PTCHD4: variants seen among roughly 807,000 people sequenced by gnomAD.
The protein encoded by PTCHD4 is patched domain containing 4, also known as patched domain-containing protein 4.
In PTCHD4, 33 loss-of-function variants were observed where a neutral mutation model predicts 58.1. The ratio of observed to expected loss-of-function variants is 0.57; its 90% CI spans 0.43 to 0.76. PTCHD4 has a LOEUF of 0.76. Ranked by LOEUF, PTCHD4 falls within the 30% of genes least tolerant of loss-of-function variation. The pLI, the probability that PTCHD4 is intolerant of heterozygous loss-of-function variation, is 0.00. For missense variants in PTCHD4, 1,058 were observed against 1,027.1 expected, an observed-to-expected ratio of 1.03 and a Z score of -0.41; for synonymous variants, 478 against 409.6, an observed-to-expected ratio of 1.17 and a Z score of -2.02.
intron 3 of PTCHD4, among the ~76,000 whole-genome samples, chr6:48,036,009 G>A (rs2114142092): frequency 6.6e-6 from 1 of 152,060 alleles, no homozygotes; most frequent in East Asian, 1.9e-4. Context: ...ATTCTTTAAT[G>A]GTGTCATTGA....
At chr6:47,921,922 G>A (rs1171153653) in intron 4 of PTCHD4, among the ~76,000 whole-genome samples, 3 of 149,504 alleles carry the variant, frequency 2.0e-5, no homozygotes, top group East Asian at 3.9e-4. Flanking sequence ...ACCAGCCTGG[G>A]CAGCATAGCA....
chr6:48,105,962 C>T (rs905616735), intron 1 of PTCHD4, among the ~76,000 whole-genome samples: 3 of 152,072 alleles, frequency 2.0e-5, no homozygotes, highest in African/African-American at 7.2e-5. Flanking sequence ...TAATTAAGAG[C>T]TTACCAACCA....
intron 4 of PTCHD4, among the ~76,000 whole-genome samples, chr6:47,896,899 T>C (rs759541941): frequency 2.0e-5 from 3 of 152,182 alleles, no homozygotes; most frequent in Non-Finnish European, 2.9e-5. Context: ...GTCAGACTCT[T>C]ACTCCAGTGT....
chr6:48,105,118 G>C (rs1765691252), intron 1 of PTCHD4, among the ~76,000 whole-genome samples: 3 of 152,120 alleles, frequency 2.0e-5, no homozygotes, highest in African/African-American at 7.2e-5. Context: ...GACATCTACA[G>C]AACTCTCCAC....
chr6:47,910,642 T>C (rs1765040165), intron 4 of PTCHD4, among the ~76,000 whole-genome samples: 1 of 152,126 alleles, frequency 6.6e-6, no homozygotes, highest in Non-Finnish European at 1.5e-5. Flanking sequence ...CTACATATTT[T>C]TTAAATCTCT....
At chr6:48,079,970 ATTTTTT>A (rs141629864) in intron 1 of PTCHD4, among the ~76,000 whole-genome samples, 8 of 76,084 alleles carry the variant, frequency 1.1e-4, no homozygotes, top group African/African-American at 3.3e-4. Context: ...CCTTATGATG[ATTTTTT>A]TTTTTTTTTT....
chr6:48,082,816 A>T (rs568372320), intron 1 of PTCHD4, among the ~76,000 whole-genome samples: 1 of 152,078 alleles, frequency 6.6e-6, no homozygotes, highest in Non-Finnish European at 1.5e-5. Flanking sequence ...AAAACACTGA[A>T]ATGTATATAA....
chr6:47,980,424 C>T (rs563500944), intron 4 of PTCHD4, among the ~76,000 whole-genome samples: 10 of 152,120 alleles, frequency 6.6e-5, no homozygotes, highest in East Asian at 3.9e-4. Flanking sequence ...CCGTTCTTAT[C>T]GTTTGGTTCT....
At chr6:48,062,012 A>G (rs1452897545) in intron 3 of PTCHD4, among the ~76,000 whole-genome samples, 1 of 152,146 alleles carries the variant, frequency 6.6e-6, no homozygotes, top group Non-Finnish European at 1.5e-5. Flanking sequence ...CTATGTCTGG[A>G]TGTATCTGAA....
intron 1 of PTCHD4, among the ~76,000 whole-genome samples, chr6:48,104,778 G>C (rs917220121): frequency 4.0e-5 from 6 of 151,584 alleles, no homozygotes; most frequent in Non-Finnish European, 7.4e-5. Flanking sequence ...AAACGGAAAA[G>C]AAAAAAAGGC....
chr6:47,998,267 C>T (rs1163472197), intron 4 of PTCHD4, among the ~76,000 whole-genome samples: 1 of 152,096 alleles, frequency 6.6e-6, no homozygotes, highest in Non-Finnish European at 1.5e-5. Context: ...TATTATTCTA[C>T]CATGTGCTAG....
intron 4 of PTCHD4, among the ~76,000 whole-genome samples, chr6:47,996,997 A>G (rs975140098): frequency 5.3e-5 from 8 of 152,242 alleles, no homozygotes; most frequent in African/African-American, 1.9e-4. Context: ...TTTGCCCCGC[A>G]TTGTGGCAAC....
At chr6:48,023,097 C>T (rs1763122385) in intron 3 of PTCHD4, among the ~76,000 whole-genome samples, 1 of 152,026 alleles carries the variant, frequency 6.6e-6, no homozygotes, top group Admixed American at 6.6e-5. Flanking sequence ...TTTGGACTAG[C>T]TTTAATAAGG....
In PTCHD4 at chr6:47,864,124, A is replaced by T. The variant is rs1292734101; in HGVS notation, c.*14179T>A. On this transcript the variant is annotated 3_prime_UTR_variant, in exon 5 of 5. Coordinates refer to ENST00000339488, the MANE Select transcript of PTCHD4 (RefSeq NM_001384253.1). The stretch of plus-strand genomic sequence containing the variant: ...AAGTGTGGTTCCTCAGACTAGTAGC[A>T]TTAGCATCACCTGAAAACTTGTTAG... 1.3e-5 allele frequency among the ~76,000 whole-genome samples: 2 copies of T among 151,926 alleles called. No homozygotes were observed. Among genetic ancestry groups the T allele is most frequent in the Non-Finnish European group, 2.9e-5 (2 of 67,908 alleles).
chr6:47,940,417 T>C (rs190843626), intron 4 of PTCHD4, among the ~76,000 whole-genome samples: 1 of 152,078 alleles, frequency 6.6e-6, no homozygotes, highest in African/African-American at 2.4e-5. Context: ...CCTAAAAAAA[T>C]TATTTAAAAA....
intron 3 of PTCHD4, among the ~76,000 whole-genome samples, chr6:48,023,392 T>G (rs1763133820): frequency 6.6e-6 from 1 of 152,156 alleles, no homozygotes. Flanking sequence ...AGAAAAATAT[T>G]AAGCTAGATA....
At position 47,872,672 on chromosome 6, in the gene PTCHD4, A is replaced by T. The variant is rs1327158281; in HGVS notation, c.*5631T>A. 2.0e-5 allele frequency among the ~76,000 whole-genome samples: 3 copies of T among 151,654 alleles called. No homozygotes were observed. Among genetic ancestry groups the T allele is most frequent in the African/African-American group, 7.3e-5 (3 of 41,376 alleles). ...AGAAGCTGGCTTTCTATAATTTAAG[A>T]TAGTGCAAAATCAGTGATAGTTTCC... On this transcript the variant is annotated 3_prime_UTR_variant, in exon 5 of 5. Coordinates refer to ENST00000339488, the MANE Select transcript of PTCHD4 (RefSeq NM_001384253.1).
chr6:48,093,363 T>C (rs900913733), intron 1 of PTCHD4, among the ~76,000 whole-genome samples: 18 of 152,146 alleles, frequency 1.2e-4, no homozygotes, highest in African/African-American at 4.1e-4. Flanking sequence ...CTCCAAGCCA[T>C]AGAATGCATT....
chr6:48,083,809 C>A (rs1262622291), intron 1 of PTCHD4, among the ~76,000 whole-genome samples: 1 of 152,164 alleles, frequency 6.6e-6, no homozygotes, highest in African/African-American at 2.4e-5. Flanking sequence ...TATACAACCA[C>A]AAGAAATCAA....
Sources: allele counts gnomAD v4.1 joint callset (sites outside exome capture counted in the v4.1 genomes callset), GRCh38; gene constraint gnomAD v4.1.1; transcripts MANE v1.5; gene names NCBI Gene and HGNC (gene_info 2026-07-23, HGNC 2026-07-21).